MYLK: variants seen among roughly 807,000 people sequenced by gnomAD.
MYLK encodes myosin light chain kinase, also known as myosin light chain kinase, smooth muscle.
A neutral mutation model predicts 203.4 loss-of-function variants in MYLK; 106 were observed. That is an observed-to-expected ratio of 0.52 (90% CI 0.45 to 0.61). MYLK has a LOEUF of 0.61. MYLK is among the 20% of genes least tolerant of loss of function. MYLK has a pLI of 0.00. For missense variants in MYLK, 2,072 were observed against 2,442.3 expected, an observed-to-expected ratio of 0.85 and a Z score of 3.20; for synonymous variants, 867 against 959.5, an observed-to-expected ratio of 0.90 and a Z score of 1.78.
At position 123,698,339 on chromosome 3, in the gene MYLK, G is replaced by T. The variant is rs570387274; in HGVS notation, c.3448+1681C>A. Among the ~76,000 whole-genome samples, 81 of 152,352 alleles carry T rather than the reference G, an allele frequency of 5.3e-4. No homozygotes were observed. In the South Asian group the frequency reaches 0.011, roughly 21 times the overall value. On this transcript the variant is annotated intron_variant, in intron 18 of 33. Coordinates refer to ENST00000360304, the MANE Select transcript of MYLK (RefSeq NM_053025.4). ...AGGCCATGCAGGGACCACAGATAAT[G>T]AAAAGAGATCAGAGAGCCAGGGGAC...
At chr3:123,859,536 TAATC>T (rs2031707423) in intron 2 of MYLK, among the ~76,000 whole-genome samples, 1 of 152,212 alleles carries the variant, frequency 6.6e-6, no homozygotes, top group East Asian at 1.9e-4. Flanking sequence ...TAGCCTGACT[TAATC>T]AGTCACAAGC....
chr3:123,744,030 A>G (rs949729969), intron 5 of MYLK, among the ~76,000 whole-genome samples: 2 of 152,166 alleles, frequency 1.3e-5, no homozygotes, highest in African/African-American at 4.8e-5. Flanking sequence ...GATTACTTAA[A>G]ATAGTGGTTC....
At chr3:123,803,419 C>T (rs1032857515) in intron 3 of MYLK, among the ~76,000 whole-genome samples, 9 of 152,196 alleles carry the variant, frequency 5.9e-5, no homozygotes, top group African/African-American at 2.2e-4. Flanking sequence ...TGAGATAGCA[C>T]AGAAGAGTCA....
intron 5 of MYLK, among the ~76,000 whole-genome samples, chr3:123,748,653 G>T (rs950702726): frequency 6.6e-6 from 1 of 152,082 alleles, no homozygotes; most frequent in Non-Finnish European, 1.5e-5. Context: ...TAATATTTTG[G>T]ATATAATAGG....
At chr3:123,643,059 C>A (rs568448863) in intron 27 of MYLK, among the ~76,000 whole-genome samples, 2 of 152,300 alleles carry the variant, frequency 1.3e-5, no homozygotes, top group South Asian at 4.1e-4. Context: ...AAATTCACGC[C>A]CTCTGAAAAA....
chr3:123,731,880 T>G (rs1348136524), intron 11 of MYLK, among the ~76,000 whole-genome samples: 1 of 152,040 alleles, frequency 6.6e-6, no homozygotes, highest in African/African-American at 2.4e-5. Context: ...GATGTTCCCA[T>G]AAAAACTTTT....
intron 24 of MYLK, among the ~76,000 whole-genome samples, chr3:123,650,437 G>C (rs1230349631): frequency 6.6e-6 from 1 of 151,992 alleles, no homozygotes; most frequent in African/African-American, 2.4e-5. Flanking sequence ...GTGTGTGTGA[G>C]AGAGAGTGGG....
chr3:123,807,107 C>T (rs987096846), intron 3 of MYLK, among the ~76,000 whole-genome samples: 1 of 152,132 alleles, frequency 6.6e-6, no homozygotes, highest in Non-Finnish European at 1.5e-5. Context: ...AACTTGGCAA[C>T]ATGCTTAGAA....
At chr3:123,708,293 G>A (rs373661681) in intron 15 of MYLK, among the ~76,000 whole-genome samples, 2 of 152,210 alleles carry the variant, frequency 1.3e-5, no homozygotes, top group African/African-American at 4.8e-5. Flanking sequence ...TATCCAATGC[G>A]TGTGATTAAG....
intron 12 of MYLK, among the ~76,000 whole-genome samples, chr3:123,725,676 T>C (rs1352487096): frequency 6.6e-6 from 1 of 152,216 alleles, no homozygotes; most frequent in Non-Finnish European, 1.5e-5. Flanking sequence ...AGAAATAATC[T>C]AATTTAATTT....
intron 3 of MYLK, among the ~76,000 whole-genome samples, chr3:123,823,180 T>G (rs2065995592): frequency 1.3e-5 from 2 of 152,174 alleles, no homozygotes; most frequent in South Asian, 4.1e-4. Flanking sequence ...TCTTCCTACT[T>G]CCTTTTCCCC....
chr3:123,722,066 T>G (rs2062108760), intron 13 of MYLK, 62 bp downstream of exon 13: 1 of 1,547,450 alleles, frequency 6.5e-7, no homozygotes, highest in South Asian at 1.2e-5. Flanking sequence ...AATGTGCCCT[T>G]CCTCCAAAGC....
At chr3:123,691,508 G>A (rs2060665121) in intron 19 of MYLK, 1 of 152,132 alleles carries the variant, frequency 6.6e-6, no homozygotes, top group Admixed American at 6.5e-5. Flanking sequence ...CAATTAATTC[G>A]TGCTGCCATT....
At chr3:123,837,843 A>G (rs982511360) in intron 2 of MYLK, among the ~76,000 whole-genome samples, 4 of 152,070 alleles carry the variant, frequency 2.6e-5, no homozygotes, top group Admixed American at 1.3e-4. Flanking sequence ...TTTGAAGATG[A>G]GTCAACAGAA....
intron 29 of MYLK, among the ~76,000 whole-genome samples, chr3:123,630,184 G>A (rs1219088791): frequency 6.6e-5 from 10 of 152,220 alleles, no homozygotes. Flanking sequence ...CGGGGAACTT[G>A]AGGCATTTAT....
chr3:123,868,944 T>A (rs1200188273), intron 2 of MYLK, among the ~76,000 whole-genome samples: 1 of 152,224 alleles, frequency 6.6e-6, no homozygotes, highest in African/African-American at 2.4e-5. Flanking sequence ...GATCTGTGTT[T>A]CAATACTGTT....
At chr3:123,878,430 C>T (rs953494054) in intron 1 of MYLK, among the ~76,000 whole-genome samples, 22 of 152,290 alleles carry the variant, frequency 1.4e-4, no homozygotes, top group Middle Eastern at 3.4e-3. Flanking sequence ...GAACAGCACT[C>T]GGTATCCAGG....
Position 123,831,536 on chromosome 3 carries a change from C to A in MYLK, c.-4+12G>T, listed in dbSNP as rs555925871. 5.5e-6 allele frequency: 4 copies of A among 732,250 alleles called. No individual in the cohort carries two copies. In the South Asian group the frequency reaches 8.0e-5, roughly 15 times the overall value. 45.4% of individuals were successfully genotyped at this position (732,250 alleles called of 1,614,324 possible). ...AATGGTCAACAGCATAATGTAAACTCTGTTCACTCACCACCGTCTTCTCTG... is the reference window on the plus strand; with the variant it reads ...AATGGTCAACAGCATAATGTAAACTATGTTCACTCACCACCGTCTTCTCTG... On this transcript the variant is annotated intron_variant, in intron 3 of 33. Coordinates refer to ENST00000360304, the MANE Select transcript of MYLK (RefSeq NM_053025.4).
At chr3:123,802,414 AAAG>A (rs1560237208) in intron 3 of MYLK, among the ~76,000 whole-genome samples, 1 of 152,224 alleles carries the variant, frequency 6.6e-6, no homozygotes, top group Non-Finnish European at 1.5e-5. Flanking sequence ...AAGACACATT[AAAG>A]GAGGGGCTGA....
Sources: allele counts gnomAD v4.1 joint callset (sites outside exome capture counted in the v4.1 genomes callset), GRCh38; gene constraint gnomAD v4.1.1; transcripts MANE v1.5; gene names NCBI Gene and HGNC (gene_info 2026-07-23, HGNC 2026-07-21).